The following HIP1 variants were observed in gnomAD, a reference collection of about 807,000 sequenced individuals.
HIP1 encodes the protein huntingtin-interacting protein 1.
A neutral mutation model predicts 147.6 loss-of-function variants in HIP1; 65 were observed. The observed-to-expected ratio is 0.44, with a 90% CI of 0.36 to 0.54. The LOEUF is 0.54. HIP1 is among the 20% of genes least tolerant of loss of function. HIP1 has a pLI of 0.00. For synonymous variants in HIP1, 479 were observed against 504.0 expected (o/e 0.95, Z 0.67); for missense variants, 1,061 against 1,299.6 (o/e 0.82, Z 2.82).
At chr7:75,727,000 G>A (rs1801670967) in intron 1 of HIP1, among the ~76,000 whole-genome samples, 1 of 151,378 alleles carries the variant, frequency 6.6e-6, no homozygotes. Context: ...ATGTTAATTT[G>A]CATTTTCCTG....
chr7:75,543,157 G>T (rs1226743123), intron 27 of HIP1, among the ~76,000 whole-genome samples, 183 bp from the exon 28 acceptor site: 1 of 151,968 alleles, frequency 6.6e-6, no homozygotes. Flanking sequence ...AGTTATTCCT[G>T]GCTTCTTTGC....
chr7:75,733,197 C>T (rs1236989407), intron 1 of HIP1, among the ~76,000 whole-genome samples: 1 of 152,128 alleles, frequency 6.6e-6, no homozygotes, highest in East Asian at 1.9e-4. Flanking sequence ...CACTTGGAAC[C>T]TGGAGTCCTG....
intron 1 of HIP1, among the ~76,000 whole-genome samples, chr7:75,679,101 A>AG (rs1554516482): frequency 6.6e-6 from 1 of 151,754 alleles, no homozygotes; most frequent in Non-Finnish European, 1.5e-5. Context: ...TCCAGCTATG[A>AG]CCCCCCTTCT....
At chr7:75,687,888 C>T (rs1554517731) in intron 1 of HIP1, among the ~76,000 whole-genome samples, 1 of 152,098 alleles carries the variant, frequency 6.6e-6, no homozygotes, top group East Asian at 1.9e-4. Flanking sequence ...CCCATGCCTC[C>T]AGGCCTTTCC....
At chr7:75,539,510 G>C in intron 29 of HIP1, 79 bp from the exon 30 acceptor site, 1 of 1,202,028 alleles carries the variant, frequency 8.3e-7, no homozygotes, top group Non-Finnish European at 1.2e-6. Context: ...TATAGAGATG[G>C]GGTCTTGTTC....
At chr7:75,732,773 C>T (rs1254825258) in intron 1 of HIP1, among the ~76,000 whole-genome samples, 1 of 152,166 alleles carries the variant, frequency 6.6e-6, no homozygotes, top group Admixed American at 6.6e-5. Context: ...AGCACTGTTG[C>T]TCAAACATCA....
chr7:75,552,244 G>GA (rs1308099707), intron 22 of HIP1, among the ~76,000 whole-genome samples: 10 of 151,288 alleles, frequency 6.6e-5, no homozygotes, highest in Non-Finnish European at 1.0e-4. Context: ...GGGAAAAAAT[G>GA]AAAAAAAACT....
At chr7:75,717,778 C>T (rs1554520750) in intron 1 of HIP1, among the ~76,000 whole-genome samples, 1 of 151,826 alleles carries the variant, frequency 6.6e-6, no homozygotes, top group East Asian at 1.9e-4. Flanking sequence ...TGAGACCAGC[C>T]TCACCAACAT....
intron 1 of HIP1, among the ~76,000 whole-genome samples, chr7:75,614,694 T>C (rs1207977309): frequency 6.6e-6 from 1 of 152,062 alleles, no homozygotes; most frequent in Non-Finnish European, 1.5e-5. Context: ...ATTATACACT[T>C]GAATTTGTTA....
chr7:75,639,088 C>G, intron 1 of HIP1: 1 of 984,540 alleles, frequency 1.0e-6, no homozygotes, highest in South Asian at 4.7e-5. Flanking sequence ...TGCGGGGCAC[C>G]CCCCCACCCC....
At chr7:75,643,957 G>A (rs782643225) in intron 1 of HIP1, among the ~76,000 whole-genome samples, 2 of 152,124 alleles carry the variant, frequency 1.3e-5, no homozygotes, top group East Asian at 1.9e-4. Context: ...CCAAGATCCC[G>A]CTGCTGCACT....
At chr7:75,714,585 T>C (rs1801260070) in intron 1 of HIP1, among the ~76,000 whole-genome samples, 2 of 151,606 alleles carry the variant, frequency 1.3e-5, no homozygotes, top group Admixed American at 1.3e-4. Context: ...CCCGAGTAGC[T>C]GGGATTACAG....
chr7:75,536,505 C>T lies in HIP1; in HGVS notation c.*1667G>A, dbSNP rs966375107. On this transcript the variant is annotated 3_prime_UTR_variant, in exon 31 of 31. Transcript: ENST00000336926. The stretch of plus-strand genomic sequence containing the variant: ...AGTTGCTATAGATAAAGAAGGAAGA[C>T]GCTGTTTTTCCAAGATCAGAAGGTC... 7 of 229,828 alleles carry T rather than the reference C, an allele frequency of 3.0e-5. No individual in the cohort carries two copies. The highest frequency in any genetic ancestry group is 3.6e-4 in the South Asian group (2 of 5,494). 14.2% of individuals were successfully genotyped at this position (229,828 alleles called of 1,614,324 possible).
At chr7:75,640,909 G>A (rs984065648) in intron 1 of HIP1, among the ~76,000 whole-genome samples, 2 of 152,054 alleles carry the variant, frequency 1.3e-5, no homozygotes, top group Non-Finnish European at 2.9e-5. Context: ...AGGACCTGCT[G>A]GGCTTGCCCT....
At chr7:75,556,235 G>C in intron 17 of HIP1, 66 bp from the exon 18 acceptor site, 1 of 1,562,656 alleles carries the variant, frequency 6.4e-7, no homozygotes, top group Non-Finnish European at 8.7e-7. Context: ...ACTTCCCAGA[G>C]GTCCAACCCA....
At chr7:75,608,232 G>A (rs980036575) in intron 1 of HIP1, among the ~76,000 whole-genome samples, 7 of 151,708 alleles carry the variant, frequency 4.6e-5, no homozygotes, top group South Asian at 2.1e-4. Flanking sequence ...GCTTAAACCC[G>A]GGAGGCGGAG....
chr7:75,646,854 T>A (rs1554511175), intron 1 of HIP1, among the ~76,000 whole-genome samples: 3 of 152,112 alleles, frequency 2.0e-5, no homozygotes, highest in African/African-American at 7.2e-5. Flanking sequence ...GCAGTGCCAC[T>A]TAGAGCCAGG....
intron 9 of HIP1, among the ~76,000 whole-genome samples, chr7:75,566,468 G>A (rs1422166931): frequency 1.3e-5 from 2 of 151,482 alleles, no homozygotes; most frequent in Non-Finnish European, 2.9e-5. Flanking sequence ...AAATTAAGGG[G>A]CAGATTATGC....
chr7:75,577,332 CA>C (rs61299057), intron 7 of HIP1, among the ~76,000 whole-genome samples: 16,550 of 96,990 alleles, frequency 0.17, 1,625 homozygotes, highest in East Asian at 0.41. Flanking sequence ...ATCCCATCTC[CA>C]AAAAAAAAAA....
Sources: gnomAD v4.1 joint callset for allele counts (sites outside exome capture counted in the v4.1 genomes callset) on GRCh38, gnomAD v4.1.1 for gene constraint, MANE v1.5 for transcripts, NCBI Gene and HGNC (gene_info 2026-07-23, HGNC 2026-07-21) for gene names.